The following OR2A7 variants were observed in gnomAD, a reference collection of about 807,000 sequenced individuals.
OR2A7 encodes olfactory receptor 2A7.
For synonymous variants in OR2A7, 10 were observed against 147.1 expected (o/e 0.07, Z 6.74); for missense variants, 35 against 359.2 (o/e 0.10, Z 7.30).
chr7:144,262,114 C>T (rs1440957956), intron 1 of OR2A7, among the ~76,000 whole-genome samples: 8 of 151,702 alleles, frequency 5.3e-5, no homozygotes, highest in East Asian at 1.9e-4. Flanking sequence ...TTCACTTGCA[C>T]CAGCATGATT....
In OR2A7 at chr7:144,264,747, C is replaced by T. The variant is rs2052683549; in HGVS notation, c.-51G>A. The T allele has an allele frequency of 1.3e-5, 2 of 151,854 alleles. No homozygotes were observed. The highest frequency in any genetic ancestry group is 1.9e-4 in the East Asian group (1 of 5,186). The allele number at this position is 151,854 out of a possible 1,614,324, so 9.4% of individuals were successfully genotyped here. A position where few individuals can be genotyped will look rare whatever the true frequency, so the allele number is the denominator to read the frequency against. ...TTCACACAATGTCAGAATCACTTGACCGCACATTTCTCAGAACGTATCCGC... is the reference window on the plus strand; with the variant it reads ...TTCACACAATGTCAGAATCACTTGATCGCACATTTCTCAGAACGTATCCGC... On this transcript the variant is annotated 5_prime_UTR_variant, in exon 1 of 2. Coordinates refer to ENST00000641841, the MANE Select transcript of OR2A7 (RefSeq NM_001005328.2).
chr7:144,260,597 A>G (rs1257314409), intron 1 of OR2A7, among the ~76,000 whole-genome samples: 30 of 151,296 alleles, frequency 2.0e-4, no homozygotes, highest in African/African-American at 6.6e-4. Flanking sequence ...CACAGCAAAT[A>G]TCTCACAAAA....
chr7:144,260,123 A>G (rs1377150760), intron 1 of OR2A7, among the ~76,000 whole-genome samples: 2 of 130,848 alleles, frequency 1.5e-5, no homozygotes, highest in African/African-American at 5.4e-5. Context: ...AAAAAAAAAA[A>G]AAAAAAAGAA....
In OR2A7 at chr7:144,259,649, C is replaced by G. The variant is rs57024608; in HGVS notation, c.-4-17G>C. 267,041 of 1,473,364 alleles carry G rather than the reference C, an allele frequency of 0.18. 2,110 individuals are homozygous for G. The highest frequency in any genetic ancestry group is 0.27 in the African/African-American group (19,320 of 70,322). 91.3% of individuals were successfully genotyped at this position (1,473,364 alleles called of 1,614,324 possible). A position where few individuals can be genotyped will look rare whatever the true frequency, so the allele number is the denominator to read the frequency against. On this transcript the variant is annotated splice_polypyrimidine_tract_variant and intron_variant, in intron 1 of 1. Transcript: ENST00000641841. ...CCCATATCCCTATGACAGAGGAAAT[C>G]AAGTTAATGCTCATGGTTTAGGAGA...
chr7:144,261,607 A>T (rs1255639111), intron 1 of OR2A7, among the ~76,000 whole-genome samples: 1 of 150,896 alleles, frequency 6.6e-6, no homozygotes, highest in Non-Finnish European at 1.5e-5. Context: ...AAAAGCTACC[A>T]GCCAAAATAA....
Position 144,259,127 on chromosome 7 carries a change from A to G in OR2A7, c.502T>C (p.Cys168Arg). The change falls in exon 2 of 2, where the codon TGT becomes CGT. Residue 168 changes from cysteine (C) to arginine (R), a missense_variant. Physicochemically the swap from Cys to Arg is radical, Grantham distance 180. Coordinates refer to ENST00000641841, the MANE Select transcript of OR2A7 (RefSeq NM_001005328.2). Reference protein sequence around the residue: ...HLVLLLPLPFCRPQKIYHFFC... With the variant: ...HLVLLLPLPFRRPQKIYHFFC... ...AAGTGATAAATTTTCTGGGGCCTAC[A>G]GAAGGGTAAAGGTAGAAGTAACACA... is the stretch of plus-strand genomic sequence containing the variant. 3 of 1,441,956 alleles carry G rather than the reference A, an allele frequency of 2.1e-6. No homozygotes were observed. Among genetic ancestry groups the G allele is most frequent in the South Asian group, 2.3e-5 (2 of 86,460 alleles). 89.3% of individuals were successfully genotyped at this position (1,441,956 alleles called of 1,614,324 possible).
chr7:144,261,480 T>A (rs1635868), intron 1 of OR2A7, among the ~76,000 whole-genome samples: 28,246 of 143,020 alleles, frequency 0.2, 1,851 homozygotes, highest in South Asian at 0.28. Context: ...TTTTAAAAAA[T>A]TTTTAAAATA....
At chr7:144,260,125 A>G (rs1214673499) in intron 1 of OR2A7, among the ~76,000 whole-genome samples, 296 of 129,866 alleles carry the variant, frequency 2.3e-3, no homozygotes, top group African/African-American at 7.8e-3. Flanking sequence ...AAAAAAAAAA[A>G]AAAAAGAAAA....
At position 144,258,953 on chromosome 7, in the gene OR2A7, G is replaced by T; in HGVS notation, c.676C>A (p.Gln226Lys). ...SYMCILCAIL[Q>K]IQSREVQRKA... ...CTCTGAACTTCCCTTGATTGGATCT[G>T]AAGGATAGCACAGAGGATGCACATA... The change falls in exon 2 of 2, where the codon CAG (glutamine) becomes AAG (lysine). Residue 226 changes from glutamine (Q) to lysine (K), a missense_variant. By Grantham distance (53) the Gln-to-Lys change is moderately conservative (BLOSUM62 1). Coordinates refer to ENST00000641841, the MANE Select transcript of OR2A7 (RefSeq NM_001005328.2). 6.2e-7 allele frequency: 1 copy of T among 1,613,508 alleles called. No individual in the cohort carries two copies. The highest frequency in any genetic ancestry group is 8.5e-7 in the Non-Finnish European group (1 of 1,179,850).
intron 1 of OR2A7, among the ~76,000 whole-genome samples, chr7:144,261,308 T>C (rs572387145): frequency 6.6e-6 from 1 of 150,966 alleles, no homozygotes; most frequent in South Asian, 2.1e-4. Context: ...GTTAACTTAA[T>C]GAGCTTCTGT....
At chr7:144,260,062 T>A (rs1446206745) in intron 1 of OR2A7, among the ~76,000 whole-genome samples, 1 of 100,348 alleles carries the variant, frequency 1.0e-5, no homozygotes, top group Non-Finnish European at 1.8e-5. Flanking sequence ...TGAGCCGAGA[T>A]CACAACACTG....
intron 1 of OR2A7, among the ~76,000 whole-genome samples, chr7:144,261,450 C>A (rs2052645952): frequency 6.6e-6 from 1 of 151,360 alleles, no homozygotes; most frequent in African/African-American, 2.4e-5. Flanking sequence ...CCAGCCTGGG[C>A]AGCATAGAGA....
chr7:144,260,796 CTAGAA>C (rs2052635730), intron 1 of OR2A7, among the ~76,000 whole-genome samples: 1 of 151,192 alleles, frequency 6.6e-6, no homozygotes, highest in African/African-American at 2.4e-5. Flanking sequence ...GATAAACACT[CTAGAA>C]TACACAGTTT....
chr7:144,260,160 T>C (rs1224817513), intron 1 of OR2A7, among the ~76,000 whole-genome samples: 1 of 135,570 alleles, frequency 7.4e-6, no homozygotes, highest in Non-Finnish European at 1.6e-5. Flanking sequence ...TGCACACGTA[T>C]ACATAGGTTT....
At chr7:144,260,275 G>A (rs2052627788) in intron 1 of OR2A7, among the ~76,000 whole-genome samples, 1 of 147,500 alleles carries the variant, frequency 6.8e-6, no homozygotes, top group African/African-American at 2.4e-5. Context: ...TTTGGCTCAG[G>A]CCTTTCAGGG....
Position 144,259,874 on chromosome 7 carries a change from G to A in OR2A7, c.-4-242C>T, listed in dbSNP as rs1292215890. 5.7e-5 allele frequency among the ~76,000 whole-genome samples: 8 copies of A among 139,190 alleles called. No homozygotes were observed. The South Asian group carries it at 1.5e-3, about 26-fold the overall frequency. 91.3% of individuals were successfully genotyped at this position (139,190 alleles called of 152,430 possible). On this transcript the variant is annotated intron_variant, in intron 1 of 1. Coordinates refer to ENST00000641841, the MANE Select transcript of OR2A7 (RefSeq NM_001005328.2). ...TGTAATCCCAGCACTTTGGGAGGCC[G>A]AGGCGGGCGGATTGCCTGAGCTCAG...
intron 1 of OR2A7, among the ~76,000 whole-genome samples, chr7:144,264,191 G>A (rs2052674638): frequency 1.3e-5 from 2 of 152,012 alleles, no homozygotes; most frequent in Admixed American, 6.6e-5. Flanking sequence ...CTCCCAGCGT[G>A]GTTAAAAGCA....
At chr7:144,261,740 T>C (rs1212548800) in intron 1 of OR2A7, among the ~76,000 whole-genome samples, 1 of 151,620 alleles carries the variant, frequency 6.6e-6, no homozygotes, top group East Asian at 1.9e-4. Context: ...AATTTGAGCA[T>C]TAAGAGAGTA....
intron 1 of OR2A7, chr7:144,259,867 G>A (rs1305219082): frequency 4.9e-5 from 15 of 305,250 alleles, no homozygotes; most frequent in Non-Finnish European, 7.9e-5. Flanking sequence ...CAGCACTTTG[G>A]GAGGCCGAGG....
Sources: allele counts gnomAD v4.1 joint callset (sites outside exome capture counted in the v4.1 genomes callset), GRCh38; gene constraint gnomAD v4.1.1; transcripts MANE v1.5; gene names NCBI Gene and HGNC (gene_info 2026-07-23, HGNC 2026-07-21).